Variants in PHF14 observed in about 807,000 individuals in gnomAD.
PHF14 encodes PHD finger protein 14.
Under a neutral mutation model 117.9 loss-of-function variants are expected in PHF14, and 55 were observed. That is an observed-to-expected ratio of 0.47 (90% CI 0.38 to 0.58). PHF14 has a LOEUF of 0.58. Ranked by LOEUF, PHF14 falls within the 20% of genes least tolerant of loss-of-function variation. The pLI is 0.00. For missense variants in PHF14, 978 were observed against 1,122.2 expected, an observed-to-expected ratio of 0.87 and a Z score of 1.84; for synonymous variants, 409 against 368.6, an observed-to-expected ratio of 1.11 and a Z score of -1.26.
intron 3 of PHF14, among the ~76,000 whole-genome samples, chr7:10,989,062 C>T (rs1782350024): frequency 6.6e-6 from 1 of 151,950 alleles, no homozygotes; most frequent in South Asian, 2.1e-4. Context: ...TTTGTCAGCC[C>T]CAGACCTATT....
intron 17 of PHF14, among the ~76,000 whole-genome samples, chr7:11,116,410 A>T (rs909300846): frequency 6.6e-6 from 1 of 152,072 alleles, no homozygotes; most frequent in African/African-American, 2.4e-5. Flanking sequence ...CAAGGACTGG[A>T]TGTAGGTATA....
intron 7 of PHF14, among the ~76,000 whole-genome samples, chr7:11,034,360 C>T (rs1784234745): frequency 6.6e-6 from 1 of 152,008 alleles, no homozygotes; most frequent in Middle Eastern, 3.4e-3. Context: ...CTTTTTTGTA[C>T]TACATCTTTA....
In PHF14 at chr7:11,065,660, A is replaced by T. The variant is rs566614965; in HGVS notation, c.2654+3575A>T. Among the ~76,000 whole-genome samples the T allele has an allele frequency of 4.6e-5, 7 of 152,166 alleles. No individual in the cohort carries two copies. The East Asian group carries it at 1.3e-3, about 29-fold the overall frequency. The stretch of plus-strand genomic sequence containing the variant: ...GAAATAGATTTGAGAATAAATGATT[A>T]ATCTATGAAAAGTAGAGATGAAGTG... On this transcript the variant is annotated intron_variant, in intron 16 of 17. Transcript: ENST00000634607.
intron 16 of PHF14, chr7:11,110,309 C>T (rs1222759482): frequency 6.6e-6 from 1 of 152,036 alleles, no homozygotes; most frequent in African/African-American, 2.4e-5. Context: ...AGTTTTAAAT[C>T]AGTGAAAGAT....
intron 4 of PHF14, chr7:11,006,517 T>C: frequency 1.8e-6 from 1 of 566,834 alleles, no homozygotes; most frequent in Non-Finnish European, 3.4e-6. Flanking sequence ...GCCACATCAA[T>C]GTCACAGAGC....
intron 16 of PHF14, among the ~76,000 whole-genome samples, chr7:11,082,256 G>A (rs1786171232): frequency 6.6e-6 from 1 of 152,118 alleles, no homozygotes; most frequent in Non-Finnish European, 1.5e-5. Context: ...TGAGGTGGGA[G>A]GATTGATTGA....
chr7:11,063,386 G>A (rs1033789571), intron 16 of PHF14: 19 of 979,466 alleles, frequency 1.9e-5, no homozygotes, highest in South Asian at 4.7e-5. Context: ...AAGCATAAGC[G>A]TAACATAATG....
At chr7:10,989,850 C>G (rs982716170) in intron 3 of PHF14, among the ~76,000 whole-genome samples, 6 of 152,126 alleles carry the variant, frequency 3.9e-5, no homozygotes, top group African/African-American at 1.2e-4. Context: ...AGGCTGGTCT[C>G]AAACTCCTGG....
intron 17 of PHF14, among the ~76,000 whole-genome samples, chr7:11,160,332 C>T (rs777451250): frequency 1.3e-5 from 2 of 152,114 alleles, no homozygotes; most frequent in Non-Finnish European, 2.9e-5. Flanking sequence ...GATTACATGT[C>T]TTCGCTATTA....
intron 16 of PHF14, chr7:11,103,222 A>T: frequency 1.1e-6 from 1 of 941,432 alleles, no homozygotes; most frequent in Non-Finnish European, 1.3e-6. Context: ...TTTACTTCAG[A>T]TTTTAAGCTC....
chr7:11,057,974 T>G (rs1418596153), intron 14 of PHF14, among the ~76,000 whole-genome samples: 1 of 152,248 alleles, frequency 6.6e-6, no homozygotes, highest in Non-Finnish European at 1.5e-5. Context: ...CTGTCAAAAT[T>G]AATCAGTTTG....
At chr7:11,064,097 A>G (rs1165198507) in intron 16 of PHF14, among the ~76,000 whole-genome samples, 1 of 151,976 alleles carries the variant, frequency 6.6e-6, no homozygotes, top group African/African-American at 2.4e-5. Context: ...AGGACAAGAT[A>G]AGCTGGATAT....
chr7:10,989,829 C>G (rs996700841), intron 3 of PHF14, among the ~76,000 whole-genome samples: 10 of 152,152 alleles, frequency 6.6e-5, no homozygotes, highest in African/African-American at 1.2e-4. Context: ...CAGGATCTCA[C>G]TGTGTTGCCC....
chr7:11,075,563 G>GTTTTTTTTTTTT, intron 16 of PHF14, among the ~76,000 whole-genome samples: 1 of 104,534 alleles, frequency 9.6e-6, no homozygotes, highest in African/African-American at 4.1e-5. Context: ...GAAGGAAAGA[G>GTTTTTTTTTTTT]GTTTTTTTTT....
intron 16 of PHF14, among the ~76,000 whole-genome samples, chr7:11,075,413 G>C (rs904799221): frequency 2.0e-5 from 3 of 152,090 alleles, no homozygotes; most frequent in Non-Finnish European, 4.4e-5. Flanking sequence ...TTCTGGCAAG[G>C]CCTCAGTAAA....
chr7:11,013,168 T>A (rs1473851909), intron 4 of PHF14, among the ~76,000 whole-genome samples: 1 of 152,152 alleles, frequency 6.6e-6, no homozygotes, highest in African/African-American at 2.4e-5. Flanking sequence ...TTTTATATTT[T>A]TATTTTTTAT....
At position 11,005,847 on chromosome 7, in the gene PHF14, C is replaced by T. The variant is rs148382766; in HGVS notation, c.1046-7900C>T. ...CTCGTTCTTTCACCAGGCTACAGTG[C>T]AAAGGTGAGATCTCGGCTCACTGCA... is the stretch of plus-strand genomic sequence containing the variant. On this transcript the variant is annotated intron_variant, in intron 4 of 17. Transcript: ENST00000634607. 3.8e-4 allele frequency among the ~76,000 whole-genome samples: 50 copies of T among 130,430 alleles called. 1 individual carries two copies. The East Asian group carries it at 7.3e-3, about 19-fold the overall frequency. The allele number at this position is 130,430 out of a possible 152,430, so 85.6% of individuals were successfully genotyped here.
Position 10,974,144 on chromosome 7 carries a change from G to T in PHF14, c.-180G>T. On this transcript the variant is annotated 5_prime_UTR_variant, in exon 1 of 18. Transcript: ENST00000634607. ...CAGGGCCAGGCGAGGCCGGGGGGGC[G>T]GGGGGTTAGGGGACCGCGGGGCTAC... 1 of 599,644 alleles carries T rather than the reference G, an allele frequency of 1.7e-6. No individual in the cohort carries two copies. 37.1% of individuals were successfully genotyped at this position (599,644 alleles called of 1,614,324 possible). A position where few individuals can be genotyped will look rare whatever the true frequency, so the allele number is the denominator to read the frequency against.
intron 3 of PHF14, among the ~76,000 whole-genome samples, chr7:10,989,501 A>G (rs1206697947): frequency 6.6e-6 from 1 of 152,220 alleles, no homozygotes; most frequent in Non-Finnish European, 1.5e-5. Flanking sequence ...AGCACAATCT[A>G]TTAAATATGC....
Sources: gnomAD v4.1 joint callset for allele counts (sites outside exome capture counted in the v4.1 genomes callset) on GRCh38, gnomAD v4.1.1 for gene constraint, MANE v1.5 for transcripts, NCBI Gene and HGNC (gene_info 2026-07-23, HGNC 2026-07-21) for gene names.